Variants in TREML4 observed in about 807,000 individuals in gnomAD.
TREML4 encodes trem-like transcript 4 protein.
TREML4 carries 25 observed loss-of-function variants against 25.4 expected under a neutral mutation model. The observed-to-expected ratio is 0.98, with a 90% confidence interval of 0.72 to 1.37. The LOEUF (loss-of-function observed/expected upper bound fraction) is 1.37. TREML4 is among the 40% of genes most tolerant of loss of function. TREML4 has a pLI of 0.00. For missense variants in TREML4, 268 were observed against 236.5 expected, an observed-to-expected ratio of 1.13 and a Z score of -0.87; for synonymous variants, 92 against 87.9, an observed-to-expected ratio of 1.05 and a Z score of -0.26.
chr6:41,236,432 G>T (rs912586704), intron 4 of TREML4, 54 bp from the exon 5 acceptor site: 19 of 1,506,406 alleles, frequency 1.3e-5, no homozygotes, highest in Non-Finnish European at 1.8e-5. Context: ...GACACCGCAG[G>T]AGGTGGTGAC....
At chr6:41,233,819 A>G (rs1454848822) in intron 4 of TREML4, among the ~76,000 whole-genome samples, 1 of 151,302 alleles carries the variant, frequency 6.6e-6, no homozygotes, top group Admixed American at 6.6e-5. Flanking sequence ...TAGGATACAT[A>G]TAAACTATGC....
In TREML4 at chr6:41,228,405, G is replaced by C. The variant is rs766631497; in HGVS notation, c.-23G>C. ...TCCCTTTTTTCTCCTCTCCTCCGCT[G>C]TCAGAAACAGATCTGGGCTGGAATG... On this transcript the variant is annotated 5_prime_UTR_variant, in exon 1 of 6. Transcript: ENST00000341495. 3.8e-6 allele frequency: 6 copies of C among 1,597,226 alleles called. No individual in the cohort carries two copies. Among genetic ancestry groups the C allele is most frequent in the African/African-American group, 2.7e-5 (2 of 74,374 alleles).
rs1454225633 is a variant in TREML4 at position 41,237,650 on chromosome 6, G to A, written c.*631G>A. On this transcript the variant is annotated 3_prime_UTR_variant, in exon 6 of 6. Coordinates refer to ENST00000341495, the MANE Select transcript of TREML4 (RefSeq NM_198153.3). Reference sequence around the variant, plus strand: ...AGAGAGAAATGACTTAAAAATAAATGATAAAATTGAAACTAAGAAAGGCTG... The same window carrying A: ...AGAGAGAAATGACTTAAAAATAAATAATAAAATTGAAACTAAGAAAGGCTG... The A allele has an allele frequency of 1.3e-5, 2 of 152,084 alleles. No homozygotes were observed. The highest frequency in any genetic ancestry group is 1.9e-4 in the East Asian group (1 of 5,186). The allele number at this position is 152,084 out of a possible 1,614,324, so 9.4% of individuals were successfully genotyped here. A position where few individuals can be genotyped will look rare whatever the true frequency, so the allele number is the denominator to read the frequency against.
In TREML4 at chr6:41,228,907, A is replaced by T. The variant is rs746224219; in HGVS notation, c.257A>T (p.Lys86Met). Residue 86 changes from lysine (K) to methionine (M), a missense_variant, in exon 2 of 6, where the codon AAG (lysine) becomes ATG (methionine). Lys to Met is a moderately conservative substitution (Grantham distance 95). Coordinates refer to ENST00000341495, the MANE Select transcript of TREML4 (RefSeq NM_198153.3). ...VQKSHYTIWDKPNAGFFNITM... is the reference protein window; with the variant it reads ...VQKSHYTIWDMPNAGFFNITM... ...AAGTCTCATTACACAATCTGGGACA[A>T]GCCCAATGCTGGCTTCTTCAACATC... The T allele has an allele frequency of 6.2e-7, 1 of 1,614,072 alleles. No individual in the cohort carries two copies. The highest frequency in any genetic ancestry group is 1.3e-5 in the African/African-American group (1 of 74,928).
chr6:41,228,918 G>C lies in TREML4; in HGVS notation c.268G>C (p.Gly90Arg). 6.2e-7 allele frequency: 1 copy of C among 1,614,078 alleles called. No individual in the cohort carries two copies. The highest frequency in any genetic ancestry group is 8.5e-7 in the Non-Finnish European group (1 of 1,180,012). Residue 90 changes from glycine (G) to arginine (R), a missense_variant, in exon 2 of 6, where the codon GGC becomes CGC. Transcript: ENST00000341495. Reference protein sequence around the residue: ...HYTIWDKPNAGFFNITMIQLT... With the variant: ...HYTIWDKPNARFFNITMIQLT... ...CACAATCTGGGACAAGCCCAATGCT[G>C]GCTTCTTCAACATCACCATGATTCA...
chr6:41,234,399 C>T (rs956046484), intron 4 of TREML4, among the ~76,000 whole-genome samples: 4 of 151,510 alleles, frequency 2.6e-5, no homozygotes, highest in Admixed American at 6.6e-5. Flanking sequence ...AGATGGAACA[C>T]GAGCATCAGA....
At chr6:41,234,277 T>C (rs1047788885) in intron 4 of TREML4, among the ~76,000 whole-genome samples, 2 of 152,044 alleles carry the variant, frequency 1.3e-5, no homozygotes, top group African/African-American at 4.8e-5. Flanking sequence ...ATGACCACTA[T>C]ATATCAAAAA....
intron 4 of TREML4, chr6:41,231,187 A>G (rs1248789607): frequency 6.2e-6 from 2 of 321,378 alleles, no homozygotes; most frequent in Non-Finnish European, 1.3e-5. Flanking sequence ...TAATAGAAAT[A>G]AAGTGCACAA....
chr6:41,229,938 A>T, intron 3 of TREML4, 124 bp from the exon 4 acceptor site: 1 of 805,430 alleles, frequency 1.2e-6, no homozygotes, highest in Non-Finnish European at 2.2e-6. Flanking sequence ...AGTTACCCTT[A>T]GCCTGAGGGA....
At chr6:41,229,771 C>A in intron 3 of TREML4, 200 bp downstream of exon 3, 1 of 656,250 alleles carries the variant, frequency 1.5e-6, no homozygotes, top group South Asian at 1.7e-5. Context: ...CAGAAGATCG[C>A]CATGTTCTCA....
intron 4 of TREML4, among the ~76,000 whole-genome samples, chr6:41,233,752 A>G (rs1438228991): frequency 1.3e-5 from 2 of 151,712 alleles, no homozygotes; most frequent in Admixed American, 6.6e-5. Flanking sequence ...AAATTCCAGT[A>G]TAATACCATC....
intron 4 of TREML4, among the ~76,000 whole-genome samples, chr6:41,233,166 T>C (rs868553098): frequency 8.5e-5 from 13 of 152,080 alleles, no homozygotes; most frequent in African/African-American, 2.9e-4. Context: ...AATAAAACTC[T>C]AGCCAAAGGA....
At chr6:41,231,122 A>T (rs1485854869) in intron 4 of TREML4, 1 of 443,966 alleles carries the variant, frequency 2.3e-6, no homozygotes, top group East Asian at 7.0e-5. Context: ...GCTCCCACAG[A>T]TTCTACATTA....
rs1416476416 is a variant in TREML4, at chr6:41,238,562, C to T, written c.*1543C>T. 15 of 152,168 alleles carry T rather than the reference C, an allele frequency of 9.9e-5. No homozygotes were observed. Among genetic ancestry groups the T allele is most frequent in the Non-Finnish European group, 1.3e-4 (9 of 68,038 alleles). 9.4% of individuals were successfully genotyped at this position (152,168 alleles called of 1,614,324 possible). Reference sequence around the variant, plus strand: ...ATGCTGTGATGAATACCCTCCTTCACGTTCTCTTGTGGAATCATGTGAGAC... The same window carrying T: ...ATGCTGTGATGAATACCCTCCTTCATGTTCTCTTGTGGAATCATGTGAGAC... On this transcript the variant is annotated 3_prime_UTR_variant, in exon 6 of 6. Transcript: ENST00000341495.
intron 4 of TREML4, among the ~76,000 whole-genome samples, chr6:41,233,309 G>A (rs1292698445): frequency 6.6e-6 from 1 of 152,084 alleles, no homozygotes; most frequent in African/African-American, 2.4e-5. Context: ...TAAGGACAGG[G>A]ACACTCTGAG....
chr6:41,230,415 G>A lies in TREML4; in HGVS notation c.506+293G>A, dbSNP rs1408649626. Reference sequence around the variant, plus strand: ...TGTGGAAATTGGAGGCCGTGTTGGTGTGTTGAGGGGTGAGTATGAATAGAG... The same window carrying A: ...TGTGGAAATTGGAGGCCGTGTTGGTATGTTGAGGGGTGAGTATGAATAGAG... On this transcript the variant is annotated intron_variant, in intron 4 of 5. Transcript: ENST00000341495. Among the ~76,000 whole-genome samples, 3 of 152,218 alleles carry A rather than the reference G, an allele frequency of 2.0e-5. No homozygotes were observed. The East Asian group carries it at 5.8e-4, about 29-fold the overall frequency.
chr6:41,236,187 T>C (rs1204853608), intron 4 of TREML4, among the ~76,000 whole-genome samples: 2 of 152,036 alleles, frequency 1.3e-5, no homozygotes, highest in Admixed American at 1.3e-4. Context: ...CGACCTGACC[T>C]GGTTAGGGAG....
At chr6:41,232,899 C>T (rs866419294) in intron 4 of TREML4, among the ~76,000 whole-genome samples, 24 of 152,176 alleles carry the variant, frequency 1.6e-4, no homozygotes, top group Middle Eastern at 3.2e-3. Context: ...CACTCCCCTC[C>T]CGCTGTGCAG....
intron 4 of TREML4, among the ~76,000 whole-genome samples, chr6:41,233,590 G>A (rs188489866): frequency 9.7e-4 from 147 of 151,624 alleles, no homozygotes; most frequent in African/African-American, 3.5e-3. Context: ...TTAAATTTTG[G>A]CCATGAAATA....
Sources: allele counts gnomAD v4.1 joint callset (sites outside exome capture counted in the v4.1 genomes callset), GRCh38; gene constraint gnomAD v4.1.1; transcripts MANE v1.5; gene names NCBI Gene and HGNC (gene_info 2026-07-23, HGNC 2026-07-21).